CEP170: variants seen among roughly 807,000 people sequenced by gnomAD.
CEP170 encodes centrosomal protein 170.
A neutral mutation model predicts 151.9 loss-of-function variants in CEP170; 21 were observed. The observed-to-expected ratio is 0.14, with a 90% CI of 0.10 to 0.20. The LOEUF is 0.20. CEP170 is among the 10% of genes least tolerant of loss of function. The probability of loss-of-function intolerance (pLI) is 1.00; values close to 1 mark genes in which losing one functional copy is unlikely to be tolerated. For missense variants in CEP170, 964 were observed against 1,892.9 expected (o/e 0.51, Z 9.11); for synonymous variants, 356 against 648.8 (o/e 0.55, Z 6.86).
rs191971767 is a variant in CEP170, at chr1:243,158,673, C to T, written c.3677-2218G>A. Among the ~76,000 whole-genome samples the T allele has an allele frequency of 2.5e-3, 386 of 152,194 alleles. 2 individuals carry two copies. Among genetic ancestry groups the T allele is most frequent in the African/African-American group, 8.8e-3 (364 of 41,528 alleles). On this transcript the variant is annotated intron_variant, in intron 13 of 19. Coordinates refer to ENST00000366542, the MANE Select transcript of CEP170 (RefSeq NM_014812.3). ...CAATTACATTTTGAGGAAAAAAGTA[C>T]GAGAAAAACTTCCTTTTCACAAACT... is the stretch of plus-strand genomic sequence containing the variant.
In CEP170 at chr1:243,141,197, A is replaced by T. The variant is rs551315927; in HGVS notation, c.4060-1090T>A. Among the ~76,000 whole-genome samples the T allele has an allele frequency of 2.0e-5, 3 of 152,152 alleles. No individual in the cohort carries two copies. In the East Asian group the frequency reaches 5.8e-4, roughly 29 times the overall value. On this transcript the variant is annotated intron_variant, in intron 15 of 19. Transcript: ENST00000366542. ...TAGCCATTTTTGCCTACTATTTAGGATTATCTTGTAAAATTGAAGAAGCAG... is the reference window on the plus strand; with the variant it reads ...TAGCCATTTTTGCCTACTATTTAGGTTTATCTTGTAAAATTGAAGAAGCAG...
chr1:243,204,362 G>A (rs1046224360), intron 4 of CEP170, among the ~76,000 whole-genome samples: 6 of 152,212 alleles, frequency 3.9e-5, no homozygotes, highest in Admixed American at 3.3e-4. Context: ...ATGATGTATT[G>A]GAGTTTTCTT....
Position 243,166,033 on chromosome 1 carries a change from G to A in CEP170, c.1927C>T (p.Arg643Ter), listed in dbSNP as rs1382573264. The change falls in exon 13 of 20, where the codon CGA becomes TGA. Residue 643 changes from arginine (R) to a stop codon, truncating the protein, a stop_gained. Coordinates refer to ENST00000366542, the MANE Select transcript of CEP170 (RefSeq NM_014812.3). LOFTEE classifies it high-confidence loss of function. ...TCATTTGGAAGCTGGGGAAGAGTTC[G>A]TCTCCTTCTCTCTCCCTGGCTAGCC... is the stretch of plus-strand genomic sequence containing the variant. ...SLASQGERRR[R>*]TLPQLPNEEK... is the part of the protein sequence containing the mutation. 3 of 1,612,584 alleles carry A rather than the reference G, an allele frequency of 1.9e-6. No individual in the cohort carries two copies. The highest frequency in any genetic ancestry group is 2.2e-5 in the East Asian group (1 of 44,866).
intron 10 of CEP170, among the ~76,000 whole-genome samples, chr1:243,177,152 T>C (rs2059309468): frequency 6.6e-6 from 1 of 152,208 alleles, no homozygotes; most frequent in South Asian, 2.1e-4. Context: ...AATTTACATT[T>C]AGTAACATCA....
intron 14 of CEP170, among the ~76,000 whole-genome samples, chr1:243,150,725 C>G (rs2056986329): frequency 6.6e-6 from 1 of 152,192 alleles, no homozygotes; most frequent in East Asian, 1.9e-4. Context: ...AAAGTTCTAA[C>G]TATAATCATA....
rs190469777 is a variant in CEP170, at chr1:243,186,050, C to G, written c.1295G>C (p.Gly432Ala). The part of the protein sequence containing the change: ...QAVTSSAHHR[G>A]GHGVPHGKLL... Reference sequence around the variant, plus strand: ...TTTCCCATGTGGAACACCATGCCCCCCTCTGTGATGCGCAGAGCTAGTCTG... The same window carrying G: ...TTTCCCATGTGGAACACCATGCCCCGCTCTGTGATGCGCAGAGCTAGTCTG... The change falls in exon 10 of 20, where the codon GGG (glycine) becomes GCG (alanine). Residue 432 changes from glycine to alanine, a missense_variant. Transcript: ENST00000366542. 8.2e-5 allele frequency: 132 copies of G among 1,613,746 alleles called. 1 individual carries two copies. In the East Asian group the frequency reaches 1.6e-3, roughly 19 times the overall value.
rs1186600580 is a variant in CEP170, at chr1:243,225,790, C to G, written c.-41-469G>C. Among the ~76,000 whole-genome samples the G allele has an allele frequency of 2.0e-5, 3 of 151,918 alleles. No homozygotes were observed. In the East Asian group the frequency reaches 5.8e-4, roughly 29 times the overall value. ...AACTATGTTGACCAAATAAATTGCT[C>G]TTTTGTCTATCAGGTGTAAACCACA... On this transcript the variant is annotated intron_variant, in intron 1 of 19. Transcript: ENST00000366542.
At chr1:243,240,672 GCA>G (rs1171921855) in intron 1 of CEP170, among the ~76,000 whole-genome samples, 1 of 148,928 alleles carries the variant, frequency 6.7e-6, no homozygotes, top group Non-Finnish European at 1.5e-5. Context: ...ATTTCACTGT[GCA>G]CAGATTAAGA....
rs1254394767 is a variant in CEP170 at position 243,129,306 on chromosome 1, C to T, written c.4413+54G>A. On this transcript the variant is annotated intron_variant, in intron 18 of 19. Transcript: ENST00000366542. ...AACAGCTCAAAAATAAGGGTCTTTT[C>T]CTTAAAATAAAACTCTATTAAAATG... is the stretch of plus-strand genomic sequence containing the variant. The T allele has an allele frequency of 2.9e-6, 4 of 1,401,266 alleles. No homozygotes were observed. In the Admixed American group the frequency reaches 8.6e-5, roughly 30 times the overall value. The allele number at this position is 1,401,266 out of a possible 1,614,324, so 86.8% of individuals were successfully genotyped here. A position where few individuals can be genotyped will look rare whatever the true frequency, so the allele number is the denominator to read the frequency against.
At chr1:243,171,974 G>A (rs148304008) in intron 11 of CEP170, among the ~76,000 whole-genome samples, 3,730 of 152,060 alleles carry the variant, frequency 0.025, 72 homozygotes, top group Non-Finnish European at 0.035. Flanking sequence ...ATTATATCCC[G>A]GGCTGTACTG....
chr1:243,156,577 G>A (rs1490504975), intron 13 of CEP170, 122 bp from the exon 14 acceptor site: 73 of 853,256 alleles, frequency 8.6e-5, no homozygotes, highest in South Asian at 6.8e-4. Context: ...AATAACTGAC[G>A]TACACATACC....
chr1:243,226,643 C>A (rs1365196013), intron 1 of CEP170, among the ~76,000 whole-genome samples: 1 of 152,018 alleles, frequency 6.6e-6, no homozygotes, highest in African/African-American at 2.4e-5. Context: ...AGGTTTTTTG[C>A]AATATGGAAT....
At chr1:243,137,228 G>A (rs1011526765) in intron 16 of CEP170, among the ~76,000 whole-genome samples, 1 of 152,244 alleles carries the variant, frequency 6.6e-6, no homozygotes, top group African/African-American at 2.4e-5. Context: ...GAAAGGCAAA[G>A]CTAACGAAGC....
At chr1:243,201,906 T>C (rs1276563328) in intron 4 of CEP170, among the ~76,000 whole-genome samples, 1 of 152,144 alleles carries the variant, frequency 6.6e-6, no homozygotes, top group African/African-American at 2.4e-5. Flanking sequence ...CTTTTTCCTA[T>C]AGCTTTGAAA....
intron 1 of CEP170, among the ~76,000 whole-genome samples, chr1:243,244,462 G>C (rs2065167819): frequency 6.6e-6 from 1 of 152,140 alleles, no homozygotes; most frequent in African/African-American, 2.4e-5. Flanking sequence ...AAAACTCTGG[G>C]CCAGGAGCCG....
chr1:243,181,784 A>T (rs547528113), intron 10 of CEP170, among the ~76,000 whole-genome samples: 1 of 152,290 alleles, frequency 6.6e-6, no homozygotes, highest in Admixed American at 6.5e-5. Flanking sequence ...CCAAGATGCT[A>T]CATATTCCTT....
At chr1:243,201,650 G>T (rs1298953755) in intron 4 of CEP170, among the ~76,000 whole-genome samples, 1 of 152,092 alleles carries the variant, frequency 6.6e-6, no homozygotes, top group African/African-American at 2.4e-5. Context: ...CTACTTGGGG[G>T]AAAAAGATGA....
chr1:243,201,994 C>A (rs1479934238), intron 4 of CEP170, among the ~76,000 whole-genome samples: 1 of 151,988 alleles, frequency 6.6e-6, no homozygotes, highest in African/African-American at 2.4e-5. Flanking sequence ...CATCTCATAA[C>A]TAAGTATATT....
rs2062667851 is a variant in CEP170 at position 243,220,191 on chromosome 1, CTT to C, written c.195+1531_195+1532del. 2.0e-5 allele frequency among the ~76,000 whole-genome samples: 3 copies of C among 152,020 alleles called. No individual in the cohort carries two copies. In the South Asian group the frequency reaches 6.2e-4, roughly 32 times the overall value. On this transcript the variant is annotated intron_variant, in intron 3 of 19. Transcript: ENST00000366542. ...GCTTTATTTTAAAAAATGTGTAAAACTTTTATAAATGGCAAGGCAGATGGGAG... is the reference window on the plus strand; with the variant it reads ...GCTTTATTTTAAAAAATGTGTAAAACTTATAAATGGCAAGGCAGATGGGAG...
Sources: gnomAD v4.1 joint callset for allele counts (sites outside exome capture counted in the v4.1 genomes callset) on GRCh38, gnomAD v4.1.1 for gene constraint, MANE v1.5 for transcripts, NCBI Gene and HGNC (gene_info 2026-07-23, HGNC 2026-07-21) for gene names.